The following MAP9 variants were observed in gnomAD, a reference collection of about 807,000 sequenced individuals.
MAP9 encodes microtubule associated protein 9, also known as microtubule-associated protein 9.
MAP9 carries 80 observed loss-of-function variants against 75.2 expected under a neutral mutation model. That is an observed-to-expected ratio of 1.06 (90% CI 0.89 to 1.28). MAP9 has a LOEUF of 1.28. Among genes scored for constraint, MAP9 ranks in the 50% most tolerant of loss-of-function variants. The pLI, the probability that MAP9 is intolerant of heterozygous loss-of-function variation, is 0.00. For missense variants in MAP9, 753 were observed against 719.9 expected (o/e 1.05, Z -0.53); for synonymous variants, 235 against 237.3 (o/e 0.99, Z 0.09).
chr4:155,360,467 T>C, intron 6 of MAP9, 52 bp from the exon 7 acceptor site: 2 of 1,515,040 alleles, frequency 1.3e-6, no homozygotes, highest in Non-Finnish European at 1.8e-6. Context: ...ATTAATAAGG[T>C]AAATACTTGA....
At position 155,352,938 on chromosome 4, in the gene MAP9, T is replaced by C; in HGVS notation, c.1662A>G (p.Lys554=). Residue 554 remains lysine (K), a synonymous_variant, in exon 12 of 14, where the codon AAA becomes AAG. Coordinates refer to ENST00000311277, the MANE Select transcript of MAP9 (RefSeq NM_001039580.2). ...ATTTCTCAACAGCAGTTAAATTATC[T>C]TTCTTTTTCTCGGCAACAGTTTCCT... ...KEEETVAEKK[K]DNLTAVEKWN... 6.5e-7 allele frequency: 1 copy of C among 1,536,726 alleles called. No homozygotes were observed. Among genetic ancestry groups the C allele is most frequent in the Non-Finnish European group, 8.8e-7 (1 of 1,137,920 alleles).
At chr4:155,348,910 A>G (rs562351737) in intron 13 of MAP9, among the ~76,000 whole-genome samples, 2 of 152,272 alleles carry the variant, frequency 1.3e-5, no homozygotes, top group South Asian at 2.1e-4. Flanking sequence ...TGTCATTTGC[A>G]AATAAAAATA....
intron 10 of MAP9, chr4:155,354,413 A>C (rs796759346): frequency 6.6e-5 from 10 of 151,828 alleles, no homozygotes; most frequent in African/African-American, 2.2e-4. Context: ...AATTCAAGAG[A>C]GAAAAGAGGA....
Position 155,376,829 on chromosome 4 carries a change from GCT to G in MAP9, c.-125_-124del, listed in dbSNP as rs1732872651. The stretch of plus-strand genomic sequence containing the variant: ...GTCCTGGACCGAGCGAGGAGGAGGG[GCT>G]AATAACAGAGGCGGAGGGCGGTTGC... On this transcript the variant is annotated 5_prime_UTR_variant, in exon 1 of 14. Transcript: ENST00000311277. 1 of 152,926 alleles carries G rather than the reference GCT, an allele frequency of 6.5e-6. No individual in the cohort carries two copies. The highest frequency in any genetic ancestry group is 1.5e-5 in the Non-Finnish European group (1 of 68,258). The allele number at this position is 152,926 out of a possible 1,614,324, so 9.5% of individuals were successfully genotyped here.
In MAP9 at chr4:155,344,330, T is replaced by G. The variant is rs955786598; in HGVS notation, c.*3453A>C. The stretch of plus-strand genomic sequence containing the variant: ...TGTGAAAGTTTTATCAATATCGAAA[T>G]TGTGGAATGGTGAGCAGAATACAAC... On this transcript the variant is annotated 3_prime_UTR_variant, in exon 14 of 14. Coordinates refer to ENST00000311277, the MANE Select transcript of MAP9 (RefSeq NM_001039580.2). The G allele has an allele frequency of 2.0e-5, 3 of 151,834 alleles. No homozygotes were observed. The East Asian group carries it at 5.8e-4, about 29-fold the overall frequency. The allele number at this position is 151,834 out of a possible 1,614,324, so 9.4% of individuals were successfully genotyped here.
At position 155,343,572 on chromosome 4, in the gene MAP9, T is replaced by C. The variant is rs1731185823; in HGVS notation, c.*4211A>G. 6.6e-6 allele frequency: 1 copy of C among 151,838 alleles called. No individual in the cohort carries two copies. The highest frequency in any genetic ancestry group is 2.4e-5 in the African/African-American group (1 of 41,426). The allele number at this position is 151,838 out of a possible 1,614,324, so 9.4% of individuals were successfully genotyped here. A position where few individuals can be genotyped will look rare whatever the true frequency, so the allele number is the denominator to read the frequency against. ...AAGGTATATTAGCATATGATTATTT[T>C]ATCCTTAGCCCACAAATAAAACTCA... On this transcript the variant is annotated 3_prime_UTR_variant, in exon 14 of 14. Coordinates refer to ENST00000311277, the MANE Select transcript of MAP9 (RefSeq NM_001039580.2).
rs1731271724 is a variant in MAP9, at chr4:155,345,982, T to C, written c.*1801A>G. 6.6e-6 allele frequency: 1 copy of C among 152,218 alleles called. No homozygotes were observed. Among genetic ancestry groups the C allele is most frequent in the Admixed American group, 6.6e-5 (1 of 15,262 alleles). 9.4% of individuals were successfully genotyped at this position (152,218 alleles called of 1,614,324 possible). A position where few individuals can be genotyped will look rare whatever the true frequency, so the allele number is the denominator to read the frequency against. ...AGAGAGGTCCTAAATTCCATGCTGA[T>C]ACTACATATTGCTGATAATCAGATC... is the stretch of plus-strand genomic sequence containing the variant. On this transcript the variant is annotated 3_prime_UTR_variant, in exon 14 of 14. Coordinates refer to ENST00000311277, the MANE Select transcript of MAP9 (RefSeq NM_001039580.2).
At chr4:155,351,413 T>A (rs1731503759) in intron 13 of MAP9, among the ~76,000 whole-genome samples, 1 of 151,538 alleles carries the variant, frequency 6.6e-6, no homozygotes. Context: ...TAATCTCAAA[T>A]TGTGTAGGTC....
intron 4 of MAP9, among the ~76,000 whole-genome samples, chr4:155,369,119 G>A (rs890862396): frequency 2.0e-5 from 3 of 152,032 alleles, no homozygotes; most frequent in Non-Finnish European, 1.5e-5. Context: ...TCAGGAGTTC[G>A]AGACCAGCCT....
At chr4:155,360,961 A>T (rs756487265) in intron 6 of MAP9, 1 of 153,094 alleles carries the variant, frequency 6.5e-6, no homozygotes, top group Non-Finnish European at 1.5e-5. Context: ...GGCAATAAAG[A>T]CAAGCCTATT....
In MAP9 at chr4:155,353,211, C is replaced by A. The variant is rs777465998; in HGVS notation, c.1510G>T (p.Glu504Ter). 5 of 1,598,024 alleles carry A rather than the reference C, an allele frequency of 3.1e-6. No individual in the cohort carries two copies. The highest frequency in any genetic ancestry group is 1.7e-4 in the Middle Eastern group (1 of 6,002). ...EEKNKKKTEE[E>*]NAARKGEALQ... ...GCTTCTCCTTTTCTTGCAGCATTTT[C>A]TTCTTCAGTTTTCTTCTTGTTTTTT... The change falls in exon 11 of 14, where the codon GAA becomes TAA. Residue 504 changes from glutamate (E) to a stop codon, truncating the protein, a stop_gained. Coordinates refer to ENST00000311277, the MANE Select transcript of MAP9 (RefSeq NM_001039580.2). LOFTEE classifies it high-confidence loss of function.
In MAP9 at chr4:155,356,228, C is replaced by T. The variant is rs149258221; in HGVS notation, c.1122-344G>A. 7.9e-5 allele frequency among the ~76,000 whole-genome samples: 12 copies of T among 152,104 alleles called. No individual in the cohort carries two copies. In the East Asian group the frequency reaches 2.1e-3, roughly 27 times the overall value. On this transcript the variant is annotated intron_variant, in intron 8 of 13. Transcript: ENST00000311277. The stretch of plus-strand genomic sequence containing the variant: ...GTTGCAGTGAGCAGAGATCATGCCA[C>T]TGAACTCCAGCCTGAGCAACAGAGT...
chr4:155,366,481 T>C (rs958883429), intron 5 of MAP9, among the ~76,000 whole-genome samples: 7 of 152,326 alleles, frequency 4.6e-5, no homozygotes, highest in African/African-American at 1.7e-4. Flanking sequence ...GTTTTTGTCA[T>C]TGAAAGTAAT....
chr4:155,373,376 C>A lies in MAP9; in HGVS notation c.241G>T (p.Asp81Tyr), dbSNP rs766173625. Residue 81 changes from aspartate (D) to tyrosine (Y), a missense_variant, in exon 4 of 14, where the codon GAT becomes TAT. By Grantham distance (160) the Asp-to-Tyr change is radical (BLOSUM62 -3). Transcript: ENST00000311277. The stretch of plus-strand genomic sequence containing the variant: ...AGTTTTGAAGGATTCTTTTCTTCAT[C>A]ATCTGATATATGAAAGTCATTCATT... ...KKMNDFHISD[D>Y]EEKNPSKLLF... 1.4e-5 allele frequency: 22 copies of A among 1,608,936 alleles called. No homozygotes were observed. The highest frequency in any genetic ancestry group is 2.7e-5 in the African/African-American group (2 of 74,776).
intron 5 of MAP9, chr4:155,362,810 T>G (rs1196164600): frequency 6.6e-6 from 1 of 152,184 alleles, no homozygotes; most frequent in Admixed American, 6.5e-5. Flanking sequence ...ATTTTCTTTC[T>G]CCGCAGTATT....
chr4:155,349,563 G>A (rs1731419567), intron 13 of MAP9: 1 of 152,104 alleles, frequency 6.6e-6, no homozygotes, highest in African/African-American at 2.4e-5. Context: ...TGAAGTGGGA[G>A]GTTTGTTTGT....
chr4:155,355,926 C>A (rs1731761770), intron 8 of MAP9, 42 bp from the exon 9 acceptor site: 1 of 1,530,372 alleles, frequency 6.5e-7, no homozygotes, highest in African/African-American at 1.4e-5. Context: ...ATTACAATTG[C>A]ATTTGGTAGA....
chr4:155,355,680 C>G, intron 9 of MAP9, 36 bp downstream of exon 9: 1 of 1,513,342 alleles, frequency 6.6e-7, no homozygotes, highest in Non-Finnish European at 9.0e-7. Flanking sequence ...TGAAAGTGAT[C>G]ATTCTTCTTC....
At position 155,375,720 on chromosome 4, in the gene MAP9, A is replaced by T. The variant is rs1732808676; in HGVS notation, c.75+56T>A. On this transcript the variant is annotated intron_variant, in intron 2 of 13. Transcript: ENST00000311277. ...GGACTGTTCTAGAATCACCAATTTCAACCCATCTAATACAGTGTTTACACT... is the reference window on the plus strand; with the variant it reads ...GGACTGTTCTAGAATCACCAATTTCTACCCATCTAATACAGTGTTTACACT... 4.5e-6 allele frequency: 5 copies of T among 1,121,098 alleles called. No homozygotes were observed. The Admixed American group carries it at 1.0e-4, about 22-fold the overall frequency. The allele number at this position is 1,121,098 out of a possible 1,614,324, so 69.4% of individuals were successfully genotyped here.
Sources: allele counts gnomAD v4.1 joint callset (sites outside exome capture counted in the v4.1 genomes callset), GRCh38; gene constraint gnomAD v4.1.1; transcripts MANE v1.5; gene names NCBI Gene and HGNC (gene_info 2026-07-23, HGNC 2026-07-21).